LAMA2: variants seen among roughly 807,000 people sequenced by gnomAD.
The protein encoded by LAMA2 is laminin subunit alpha-2.
A neutral mutation model predicts 364.8 loss-of-function variants in LAMA2; 269 were observed. The observed-to-expected ratio is 0.74, with a 90% CI of 0.67 to 0.82. The LOEUF is 0.82. LAMA2 is among the 40% of genes least tolerant of loss of function. The pLI is 0.00. For synonymous variants in LAMA2, 1,379 were observed against 1,370.6 expected, an observed-to-expected ratio of 1.01 and a Z score of -0.14; for missense variants, 3,807 against 3,873.2, an observed-to-expected ratio of 0.98 and a Z score of 0.45.
intron 4 of LAMA2, among the ~76,000 whole-genome samples, chr6:129,135,542 G>C (rs1777741903): frequency 1.3e-5 from 2 of 152,176 alleles, no homozygotes. Context: ...TATTGTTTTT[G>C]TGTACAAGAT....
intron 32 of LAMA2, among the ~76,000 whole-genome samples, chr6:129,363,889 C>T (rs1364486498): frequency 6.6e-6 from 1 of 152,210 alleles, no homozygotes; most frequent in African/African-American, 2.4e-5. Flanking sequence ...GTGGACAAGT[C>T]TGTTGAAGTT....
chr6:129,164,014 C>A (rs1287766969), intron 8 of LAMA2, among the ~76,000 whole-genome samples: 1 of 152,104 alleles, frequency 6.6e-6, no homozygotes, highest in East Asian at 1.9e-4. Flanking sequence ...TCAGGATCTG[C>A]TTTTATCAAC....
chr6:129,516,363 C>A lies in LAMA2; in HGVS notation c.*16C>A, dbSNP rs541534425. Reference sequence around the variant, plus strand: ...AGCCAACTAATAAAAATAAGTGTAACCCCAGGAAGAGTCTGTCAAAACAAG... The same window carrying A: ...AGCCAACTAATAAAAATAAGTGTAAACCCAGGAAGAGTCTGTCAAAACAAG... On this transcript the variant is annotated 3_prime_UTR_variant, in exon 65 of 65. Coordinates refer to ENST00000421865, the MANE Select transcript of LAMA2 (RefSeq NM_000426.4). 4.3e-6 allele frequency: 7 copies of A among 1,612,242 alleles called. No homozygotes were observed. Among genetic ancestry groups the A allele is most frequent in the Non-Finnish European group, 5.9e-6 (7 of 1,178,734 alleles).
chr6:129,250,678 GA>G (rs1786114182), intron 13 of LAMA2, among the ~76,000 whole-genome samples: 1 of 152,122 alleles, frequency 6.6e-6, no homozygotes, highest in South Asian at 2.1e-4. Flanking sequence ...AGGTACAGGA[GA>G]AACTGCTTTC....
At chr6:129,354,743 G>A (rs1422780622) in intron 32 of LAMA2, among the ~76,000 whole-genome samples, 1 of 152,122 alleles carries the variant, frequency 6.6e-6, no homozygotes, top group Non-Finnish European at 1.5e-5. Flanking sequence ...AATATAATGG[G>A]ATTATTTGGG....
chr6:129,383,501 A>C (rs1202274305), intron 35 of LAMA2, among the ~76,000 whole-genome samples: 1 of 152,228 alleles, frequency 6.6e-6, no homozygotes, highest in Admixed American at 6.5e-5. Flanking sequence ...TAATTACATA[A>C]GAATAGGCAA....
chr6:129,326,923 C>T lies in LAMA2; in HGVS notation c.4177-1355C>T, dbSNP rs188276081. Among the ~76,000 whole-genome samples, 573 of 150,996 alleles carry T rather than the reference C, an allele frequency of 3.8e-3. 5 individuals are homozygous for T. The highest frequency in any genetic ancestry group is 0.013 in the African/African-American group (532 of 41,246). On this transcript the variant is annotated intron_variant, in intron 28 of 64. Coordinates refer to ENST00000421865, the MANE Select transcript of LAMA2 (RefSeq NM_000426.4). ...TTAAATAGATCTTGGTTTATTTCTT[C>T]AGTTATGCTTAAACTAATTCTTCAA...
chr6:129,134,275 A>T (rs1777659223), intron 4 of LAMA2, among the ~76,000 whole-genome samples: 1 of 152,170 alleles, frequency 6.6e-6, no homozygotes, highest in South Asian at 2.1e-4. Context: ...TTATTAACAT[A>T]TTTTCTTCAT....
chr6:129,339,420 G>A lies in LAMA2; in HGVS notation c.4312-2923G>A, dbSNP rs371098409. On this transcript the variant is annotated intron_variant, in intron 29 of 64. Transcript: ENST00000421865. ...ATTGTTGTCATTTCAAATTTAAGAC[G>A]CTTCTGTGTTATACAATATTTATTC... Among the ~76,000 whole-genome samples the A allele has an allele frequency of 1.2e-3, 182 of 152,262 alleles. 3 individuals carry two copies. The Middle Eastern group carries it at 0.02, about 17-fold the overall frequency.
intron 12 of LAMA2, among the ~76,000 whole-genome samples, chr6:129,245,015 T>G (rs1785652053): frequency 1.3e-5 from 2 of 152,112 alleles, no homozygotes. Context: ...CTTTTCTTAA[T>G]GGGGTGAAGC....
intron 45 of LAMA2, among the ~76,000 whole-genome samples, chr6:129,448,239 C>T (rs1782489836): frequency 1.3e-5 from 2 of 152,022 alleles, no homozygotes; most frequent in South Asian, 4.2e-4. Context: ...GCCATGTTTG[C>T]ACCATGGCAC....
chr6:128,949,811 A>G (rs889077182), intron 1 of LAMA2, among the ~76,000 whole-genome samples: 1 of 152,230 alleles, frequency 6.6e-6, no homozygotes, highest in Non-Finnish European at 1.5e-5. Flanking sequence ...CACTAAAACA[A>G]TCACATTTTT....
chr6:129,037,114 G>A (rs1786696422), intron 1 of LAMA2, among the ~76,000 whole-genome samples: 1 of 152,044 alleles, frequency 6.6e-6, no homozygotes. Context: ...ATTCTCTTTT[G>A]TCTTTTAAAT....
chr6:129,393,070 G>A lies in LAMA2; in HGVS notation c.5260G>A (p.Val1754Met), dbSNP rs1779407779. The change falls in exon 37 of 65, where the codon GTG (valine) becomes ATG (methionine). Residue 1754 changes from valine to methionine, a missense_variant. Transcript: ENST00000421865. ...LVAAEALLKK[V>M]KKLFGESRGE... ...AGCTGCAGAAGCCCTTCTGAAAAAA[G>A]TGAAGAAGCTGTTTGGAGAGTCCCG... The A allele has an allele frequency of 3.7e-6, 6 of 1,613,620 alleles. 1 individual carries two copies. The African/African-American group carries it at 8.0e-5, about 22-fold the overall frequency.
intron 7 of LAMA2, among the ~76,000 whole-genome samples, chr6:129,153,829 GA>G (rs1351583435): frequency 6.6e-6 from 1 of 152,048 alleles, no homozygotes; most frequent in African/African-American, 2.4e-5. Flanking sequence ...CTCTAATACA[GA>G]AATTTCCATA....
chr6:129,123,299 C>G (rs1776912021), intron 4 of LAMA2, among the ~76,000 whole-genome samples: 1 of 147,906 alleles, frequency 6.8e-6, no homozygotes, highest in Non-Finnish European at 1.5e-5. Flanking sequence ...GAGTAAGACT[C>G]TGTCTCAAAA....
chr6:129,158,613 A>T, intron 8 of LAMA2: 1 of 1,614,166 alleles, frequency 6.2e-7, no homozygotes, highest in Non-Finnish European at 8.5e-7. Flanking sequence ...GCAGCTGGAG[A>T]AGATGATCAT....
chr6:129,198,830 A>G (rs919064145), intron 12 of LAMA2, among the ~76,000 whole-genome samples: 3 of 152,200 alleles, frequency 2.0e-5, no homozygotes, highest in African/African-American at 4.8e-5. Flanking sequence ...AAAAAAATCT[A>G]TAATGTCAGA....
chr6:129,369,940 G>T lies in LAMA2; in HGVS notation c.4909G>T (p.Glu1637Ter). Reference protein sequence around the residue: ...RAPERLIQLAEGNLNTLVTEM... With the variant: ...RAPERLIQLA ...CCCAGAGAGGCTTATTCAGCTGGCAGAGGGCAATCTGAATACACTCGTGAC... is the reference window on the plus strand; with the variant it reads ...CCCAGAGAGGCTTATTCAGCTGGCATAGGGCAATCTGAATACACTCGTGAC... Residue 1637 changes from glutamate (E) to a stop codon, truncating the protein, a stop_gained, in exon 34 of 65, where the codon GAG (glutamate) becomes TAG (stop). Transcript: ENST00000421865. LOFTEE classifies it high-confidence loss of function. The T allele has an allele frequency of 6.2e-7, 1 of 1,614,158 alleles. No individual in the cohort carries two copies. Among genetic ancestry groups the T allele is most frequent in the Non-Finnish European group, 8.5e-7 (1 of 1,179,998 alleles).
Sources: gnomAD v4.1 joint callset for allele counts (sites outside exome capture counted in the v4.1 genomes callset) on GRCh38, gnomAD v4.1.1 for gene constraint, MANE v1.5 for transcripts, NCBI Gene and HGNC (gene_info 2026-07-23, HGNC 2026-07-21) for gene names.